C12orf56: variants seen among roughly 807,000 people sequenced by gnomAD.
The protein encoded by C12orf56 is chromosome 12 open reading frame 56.
Under a neutral mutation model 69.9 loss-of-function variants are expected in C12orf56, and 71 were observed. The ratio of observed to expected loss-of-function variants is 1.02; its 90% CI spans 0.84 to 1.24. C12orf56 has a LOEUF of 1.24. Among genes scored for constraint, C12orf56 ranks in the 50% most tolerant of loss-of-function variants. The probability of loss-of-function intolerance (pLI) is 0.00; values close to 1 mark genes in which losing one functional copy is unlikely to be tolerated. For synonymous variants in C12orf56, 276 were observed against 274.1 expected (o/e 1.01, Z -0.07); for missense variants, 732 against 738.5 (o/e 0.99, Z 0.10).
At position 64,296,171 on chromosome 12, in the gene C12orf56, C is replaced by T. The variant is rs146934008; in HGVS notation, c.1113+7464G>A. On this transcript the variant is annotated intron_variant, in intron 6 of 12. Transcript: ENST00000543942. ...TGGAAGTGACTTTGGAATTGGTTAA[C>T]GGATAGAGGCTCGAAGAATTTGGAG... Among the ~76,000 whole-genome samples the T allele has an allele frequency of 7.9e-5, 12 of 152,172 alleles. No individual in the cohort carries two copies. The East Asian group carries it at 2.3e-3, about 29-fold the overall frequency.
At chr12:64,313,319 A>C (rs1157951713) in intron 4 of C12orf56, among the ~76,000 whole-genome samples, 1 of 151,024 alleles carries the variant, frequency 6.6e-6, no homozygotes, top group African/African-American at 2.4e-5. Flanking sequence ...TCAAAATCAC[A>C]CAGTTTAGAT....
At chr12:64,361,683 C>A (rs983209254) in intron 1 of C12orf56, among the ~76,000 whole-genome samples, 4 of 151,602 alleles carry the variant, frequency 2.6e-5, no homozygotes, top group African/African-American at 9.7e-5. Context: ...AATGGGCAAT[C>A]AGCAGCCTTT....
At chr12:64,375,278 C>G (rs2039625793) in intron 1 of C12orf56, among the ~76,000 whole-genome samples, 2 of 152,106 alleles carry the variant, frequency 1.3e-5, no homozygotes, top group Non-Finnish European at 2.9e-5. Flanking sequence ...TGGTCTTGAA[C>G]TCCTGGCCTC....
chr12:64,390,382 G>C lies in C12orf56; in HGVS notation c.184C>G (p.Leu62Val). 6.2e-7 allele frequency: 1 copy of C among 1,613,172 alleles called. No homozygotes were observed. The highest frequency in any genetic ancestry group is 8.5e-7 in the Non-Finnish European group (1 of 1,179,752). ...ATGGACTTGGGCGGGTTCTCGGTTA[G>C]GTAGACGAGCCGGTCGCTTAGCACC... ...YVVLSDRLVY[L>V]TENPPKSIRR... The change falls in exon 1 of 13, where the codon CTA (leucine) becomes GTA (valine). Residue 62 changes from leucine to valine, a missense_variant. Leu to Val is a conservative substitution (Grantham distance 32). Transcript: ENST00000543942.
chr12:64,338,613 C>G (rs1298273964), intron 2 of C12orf56: 2 of 1,588,992 alleles, frequency 1.3e-6, no homozygotes, highest in African/African-American at 2.7e-5. Flanking sequence ...ATCTGTTTCT[C>G]TTTCTTCTCA....
intron 11 of C12orf56, among the ~76,000 whole-genome samples, chr12:64,273,821 A>T (rs2038018931): frequency 6.6e-6 from 1 of 152,144 alleles, no homozygotes; most frequent in Non-Finnish European, 1.5e-5. Context: ...GACATAGGCC[A>T]CTTCTGATCA....
rs11392869 is a variant in C12orf56 at position 64,331,035 on chromosome 12, T to TAAA, written c.416-6_416-4dup. 1.4e-6 allele frequency: 2 copies of TAAA among 1,409,934 alleles called. No homozygotes were observed. Among genetic ancestry groups the TAAA allele is most frequent in the Non-Finnish European group, 1.9e-6 (2 of 1,045,042 alleles). 87.3% of individuals were successfully genotyped at this position (1,409,934 alleles called of 1,614,324 possible). A position where few individuals can be genotyped will look rare whatever the true frequency, so the allele number is the denominator to read the frequency against. On this transcript the variant is annotated splice_polypyrimidine_tract_variant and splice_region_variant and intron_variant, in intron 2 of 12. Coordinates refer to ENST00000543942, the MANE Select transcript of C12orf56 (RefSeq NM_001170633.2). ...AAGGCCGTTCTTTTCTTCCTTGACT[T>TAAA]AAAAAAAAAATAGTTATTTGGTCAT...
chr12:64,307,727 C>T (rs1457405082), intron 5 of C12orf56, among the ~76,000 whole-genome samples: 1 of 150,676 alleles, frequency 6.6e-6, no homozygotes, highest in East Asian at 2.0e-4. Context: ...TACAGCTGGG[C>T]GTGGTGGCCC....
intron 2 of C12orf56, among the ~76,000 whole-genome samples, chr12:64,347,512 C>T (rs954638897): frequency 7.9e-5 from 12 of 152,074 alleles, no homozygotes; most frequent in African/African-American, 2.9e-4. Context: ...TCTCGAACTC[C>T]TGACTTCATG....
chr12:64,269,836 G>A (rs1488785666), intron 12 of C12orf56, among the ~76,000 whole-genome samples: 2 of 151,866 alleles, frequency 1.3e-5, no homozygotes, highest in African/African-American at 2.4e-5. Context: ...TAATCTGCCC[G>A]GCTCAGCCTC....
intron 8 of C12orf56, among the ~76,000 whole-genome samples, chr12:64,283,666 T>C (rs2136763863): frequency 6.6e-6 from 1 of 152,066 alleles, no homozygotes; most frequent in Admixed American, 6.5e-5. Context: ...TTTTTCTTTT[T>C]TAACTGGAAT....
rs193113501 is a variant in C12orf56, at chr12:64,265,778, C to T, written c.*1405G>A. 5.3e-5 allele frequency: 8 copies of T among 152,326 alleles called. No homozygotes were observed. The East Asian group carries it at 1.5e-3, about 29-fold the overall frequency. 9.4% of individuals were successfully genotyped at this position (152,326 alleles called of 1,614,324 possible). A position where few individuals can be genotyped will look rare whatever the true frequency, so the allele number is the denominator to read the frequency against. The stretch of plus-strand genomic sequence containing the variant: ...ATAAGTTGAATGGAGAGTCCAGTTC[C>T]TATGTTCTTAGAAGTCCAAATTCAA... On this transcript the variant is annotated 3_prime_UTR_variant, in exon 13 of 13. Transcript: ENST00000543942.
intron 6 of C12orf56, among the ~76,000 whole-genome samples, chr12:64,301,635 A>G (rs1191231683): frequency 1.3e-5 from 2 of 152,194 alleles, no homozygotes; most frequent in African/African-American, 4.8e-5. Flanking sequence ...GTAGACATAT[A>G]GCTTAGAAGG....
chr12:64,351,564 G>A (rs2039222283), intron 2 of C12orf56, among the ~76,000 whole-genome samples: 1 of 152,086 alleles, frequency 6.6e-6, no homozygotes, highest in Non-Finnish European at 1.5e-5. Context: ...TGACAGCAGG[G>A]GATATAGGGT....
At chr12:64,310,072 C>T (rs187754379) in intron 5 of C12orf56, among the ~76,000 whole-genome samples, 5 of 151,490 alleles carry the variant, frequency 3.3e-5, no homozygotes, top group Admixed American at 1.3e-4. Flanking sequence ...GGCTGGAGTG[C>T]GGCGGTGCAA....
chr12:64,348,378 CA>C lies in C12orf56; in HGVS notation c.415+4515del, dbSNP rs148562528. Among the ~76,000 whole-genome samples, 309 of 152,280 alleles carry C rather than the reference CA, an allele frequency of 2.0e-3. 1 individual carries two copies. The highest frequency in any genetic ancestry group is 7.0e-3 in the African/African-American group (289 of 41,568). On this transcript the variant is annotated intron_variant, in intron 2 of 12. Transcript: ENST00000543942. Reference sequence around the variant, plus strand: ...ACTCTTAAGGCACTAATCTGCTCTTCAGCAAAATTTATAAAGGATTGTAAAA... The same window carrying C: ...ACTCTTAAGGCACTAATCTGCTCTTCGCAAAATTTATAAAGGATTGTAAAA...
At chr12:64,289,112 A>G (rs1358847569) in intron 6 of C12orf56, among the ~76,000 whole-genome samples, 6 of 133,834 alleles carry the variant, frequency 4.5e-5, no homozygotes, top group African/African-American at 1.4e-4. Context: ...CTTTGCAGCA[A>G]TTGTGAATGG....
rs539559102 is a variant in C12orf56, at chr12:64,381,267, C to T, written c.252+9047G>A. 5.9e-5 allele frequency among the ~76,000 whole-genome samples: 9 copies of T among 152,178 alleles called. No individual in the cohort carries two copies. The South Asian group carries it at 1.0e-3, about 18-fold the overall frequency. ...CAGACAACTCAGTTTATCCTGTCTG[C>T]GTGGTGCCAGCCAATTCATCAAGTG... On this transcript the variant is annotated intron_variant, in intron 1 of 12. Coordinates refer to ENST00000543942, the MANE Select transcript of C12orf56 (RefSeq NM_001170633.2).
chr12:64,373,248 A>C (rs1219233983), intron 1 of C12orf56, among the ~76,000 whole-genome samples: 1 of 152,110 alleles, frequency 6.6e-6, no homozygotes, highest in Non-Finnish European at 1.5e-5. Context: ...CGAGCTCAGA[A>C]GTTTGAGACC....
Sources: allele counts gnomAD v4.1 joint callset (sites outside exome capture counted in the v4.1 genomes callset), GRCh38; gene constraint gnomAD v4.1.1; transcripts MANE v1.5; gene names NCBI Gene and HGNC (gene_info 2026-07-23, HGNC 2026-07-21).